The following S100Z variants were observed in gnomAD, a reference collection of about 807,000 sequenced individuals.
S100Z encodes protein S100-Z.
Under a neutral mutation model 8.5 loss-of-function variants are expected in S100Z, and 11 were observed. That is an observed-to-expected ratio of 1.30 (90% CI 0.82 to 2.15). The LOEUF (loss-of-function observed/expected upper bound fraction) is 2.15. Ranked by LOEUF, S100Z falls within the 30% of genes most tolerant of loss-of-function variation. S100Z has a pLI of 0.00. For synonymous variants in S100Z, 34 were observed against 43.8 expected, an observed-to-expected ratio of 0.78 and a Z score of 0.89; for missense variants, 126 against 117.9, an observed-to-expected ratio of 1.07 and a Z score of -0.32.
At chr5:76,882,858 T>A (rs935272660) in intron 4 of S100Z, among the ~76,000 whole-genome samples, 1 of 152,052 alleles carries the variant, frequency 6.6e-6, no homozygotes, top group African/African-American at 2.4e-5. Context: ...AAAGAAAGCA[T>A]GTTTGAGATC....
chr5:76,892,053 C>T (rs1743880215), intron 4 of S100Z, among the ~76,000 whole-genome samples: 1 of 152,168 alleles, frequency 6.6e-6, no homozygotes, highest in African/African-American at 2.4e-5. Context: ...CCTGCACTTA[C>T]AGCAAGCACA....
At chr5:76,865,374 A>G (rs934355336) in intron 1 of S100Z, among the ~76,000 whole-genome samples, 4 of 150,890 alleles carry the variant, frequency 2.7e-5, no homozygotes, top group African/African-American at 9.8e-5. Context: ...CCTCCCGAGT[A>G]GCTGGGATTA....
At chr5:76,869,055 A>G (rs1742899439) in intron 1 of S100Z, among the ~76,000 whole-genome samples, 1 of 152,038 alleles carries the variant, frequency 6.6e-6, no homozygotes, top group African/African-American at 2.4e-5. Flanking sequence ...GACAAGGCCA[A>G]CTCTTGGGGA....
intron 4 of S100Z, among the ~76,000 whole-genome samples, chr5:76,882,946 G>C (rs1210685005): frequency 6.6e-6 from 1 of 152,152 alleles, no homozygotes; most frequent in Non-Finnish European, 1.5e-5. Flanking sequence ...TTGGCACCAT[G>C]GGGTGGATAG....
At chr5:76,885,584 A>G in intron 4 of S100Z, among the ~76,000 whole-genome samples, 1 of 114,370 alleles carries the variant, frequency 8.7e-6, no homozygotes, top group Non-Finnish European at 1.8e-5. Context: ...ACGGGTTGGG[A>G]GGTGCTTGTC....
intron 4 of S100Z, among the ~76,000 whole-genome samples, chr5:76,912,896 GA>G: frequency 6.6e-6 from 1 of 151,438 alleles, no homozygotes; most frequent in Non-Finnish European, 1.5e-5. Flanking sequence ...GAGAGAGAGA[GA>G]GAGGAGAAGA....
intron 1 of S100Z, among the ~76,000 whole-genome samples, chr5:76,869,087 T>C (rs950990293): frequency 1.3e-5 from 2 of 152,224 alleles, no homozygotes; most frequent in African/African-American, 4.8e-5. Context: ...CCCTCTCTGA[T>C]TGATTTGTTT....
intron 4 of S100Z, among the ~76,000 whole-genome samples, chr5:76,897,829 T>C (rs1385046680): frequency 6.6e-6 from 1 of 152,248 alleles, no homozygotes; most frequent in Non-Finnish European, 1.5e-5. Flanking sequence ...TGTATGTTGA[T>C]TTTGTATCTT....
chr5:76,885,979 TG>T (rs1255270192), intron 4 of S100Z, among the ~76,000 whole-genome samples: 1 of 117,546 alleles, frequency 8.5e-6, no homozygotes, highest in Non-Finnish European at 1.7e-5. Context: ...AGAGAAGGGG[TG>T]GGGGGTGCTT....
intron 1 of S100Z, among the ~76,000 whole-genome samples, chr5:76,861,619 G>C: frequency 6.6e-6 from 1 of 152,266 alleles, no homozygotes; most frequent in East Asian, 1.9e-4. Context: ...GATTACAGGC[G>C]TGAGCCACTG....
chr5:76,875,344 C>CAGTT lies in S100Z; in HGVS notation c.-15_-12dup, dbSNP rs780295773. The stretch of plus-strand genomic sequence containing the variant: ...TTTGGTGGCCTGCTTCTGGAGTGGT[C>CAGTT]AGTTCTGCTGCCGACATGCCCACCC... On this transcript the variant is annotated 5_prime_UTR_variant, in exon 3 of 5. Transcript: ENST00000317593. 2.6e-5 allele frequency: 42 copies of CAGTT among 1,606,286 alleles called. No individual in the cohort carries two copies. Among genetic ancestry groups the CAGTT allele is most frequent in the Non-Finnish European group, 3.4e-5 (40 of 1,176,410 alleles).
chr5:76,907,027 T>C lies in S100Z; in HGVS notation c.*3-13690T>C, dbSNP rs180994834. ...ATATATATATATATATATATATACA[T>C]ATATATATACCAAATTTTCTTTATC... is the stretch of plus-strand genomic sequence containing the variant. On this transcript the variant is annotated intron_variant, in intron 4 of 4. Coordinates refer to ENST00000317593, the MANE Select transcript of S100Z (RefSeq NM_130772.4). Among the ~76,000 whole-genome samples, 55 of 135,874 alleles carry C rather than the reference T, an allele frequency of 4.0e-4. 1 individual carries two copies. Among genetic ancestry groups the C allele is most frequent in the African/African-American group, 1.4e-3 (48 of 34,380 alleles). The allele number at this position is 135,874 out of a possible 152,430, so 89.1% of individuals were successfully genotyped here.
At chr5:76,902,852 T>C (rs1202336051) in intron 4 of S100Z, among the ~76,000 whole-genome samples, 1 of 152,170 alleles carries the variant, frequency 6.6e-6, no homozygotes, top group African/African-American at 2.4e-5. Context: ...TTCACGAAGA[T>C]AATTTTTAAA....
At chr5:76,946,258 T>C in the S100Z span, among the ~76,000 whole-genome samples, 1 of 152,220 alleles carries the variant, frequency 6.6e-6, no homozygotes, top group East Asian at 1.9e-4. Flanking sequence ...ATCACCACTT[T>C]CTTATTCCCA....
chr5:76,870,840 G>A (rs1422914217), intron 2 of S100Z, among the ~76,000 whole-genome samples: 1 of 152,082 alleles, frequency 6.6e-6, no homozygotes, highest in African/African-American at 2.4e-5. Flanking sequence ...ATGAGGAGGA[G>A]GCTGGGCACG....
chr5:76,886,875 C>T (rs1164736478), intron 4 of S100Z, among the ~76,000 whole-genome samples: 1 of 152,070 alleles, frequency 6.6e-6, no homozygotes, highest in African/African-American at 2.4e-5. Flanking sequence ...TAGGGTGGGG[C>T]AGAAACAAAT....
intron 4 of S100Z, among the ~76,000 whole-genome samples, chr5:76,913,331 G>A (rs537702444): frequency 3.3e-5 from 5 of 152,294 alleles, no homozygotes; most frequent in South Asian, 2.1e-4. Flanking sequence ...CCTCCCAGGC[G>A]ATTAAGGGAA....
Position 76,862,572 on chromosome 5 carries a change from G to A in S100Z, c.-175-7594G>A, listed in dbSNP as rs538737090. On this transcript the variant is annotated intron_variant, in intron 1 of 4. Coordinates refer to ENST00000317593, the MANE Select transcript of S100Z (RefSeq NM_130772.4). The stretch of plus-strand genomic sequence containing the variant: ...CCAGCACTTTGGGAGGCCGAGGCAG[G>A]TGGATAACCTGAGGCCAGGAGTTCG... Among the ~76,000 whole-genome samples, 21 of 152,254 alleles carry A rather than the reference G, an allele frequency of 1.4e-4. 1 individual carries two copies. In the East Asian group the frequency reaches 4.1e-3, roughly 29 times the overall value.
At chr5:76,888,348 T>C (rs1385526120) in intron 4 of S100Z, among the ~76,000 whole-genome samples, 1 of 149,370 alleles carries the variant, frequency 6.7e-6, no homozygotes, top group Admixed American at 6.7e-5. Flanking sequence ...TTTTTTTTTT[T>C]TCCTGGGAAA....
Sources: allele counts gnomAD v4.1 joint callset (sites outside exome capture counted in the v4.1 genomes callset), GRCh38; gene constraint gnomAD v4.1.1; transcripts MANE v1.5; gene names NCBI Gene and HGNC (gene_info 2026-07-23, HGNC 2026-07-21).